The following AMBRA1 variants were observed in gnomAD, a reference collection of about 807,000 sequenced individuals.
AMBRA1 encodes the protein autophagy and beclin 1 regulator 1.
In AMBRA1, 47 loss-of-function variants were observed where a neutral mutation model predicts 125.4. The ratio of observed to expected loss-of-function variants is 0.37; its 90% confidence interval spans 0.30 to 0.48. AMBRA1 has a LOEUF of 0.48. AMBRA1 is among the 20% of genes least tolerant of loss of function. The pLI is 0.99. For synonymous variants in AMBRA1, 626 were observed against 655.5 expected (o/e 0.95, Z 0.69); for missense variants, 1,331 against 1,693.4 (o/e 0.79, Z 3.76).
In AMBRA1 at chr11:46,520,269, A is replaced by G. The variant is rs145446546; in HGVS notation, c.2073-7456T>C. 1.7e-3 allele frequency among the ~76,000 whole-genome samples: 264 copies of G among 152,336 alleles called. 2 individuals are homozygous for G. The highest frequency in any genetic ancestry group is 0.01 in the Middle Eastern group (3 of 294). Reference sequence around the variant, plus strand: ...ATTTTAATACACAAGCACACATTCAATTAGCCATCAGGATGATAGCCTCAT... The same window carrying G: ...ATTTTAATACACAAGCACACATTCAGTTAGCCATCAGGATGATAGCCTCAT... On this transcript the variant is annotated intron_variant, in intron 7 of 17. Coordinates refer to ENST00000683756, the MANE Select transcript of AMBRA1 (RefSeq NM_001387011.1).
At chr11:46,517,863 A>G (rs1951572621) in intron 7 of AMBRA1, among the ~76,000 whole-genome samples, 1 of 151,646 alleles carries the variant, frequency 6.6e-6, no homozygotes, top group African/African-American at 2.4e-5. Context: ...CAAATACTTA[A>G]AGAATAGGAT....
intron 11 of AMBRA1, among the ~76,000 whole-genome samples, chr11:46,474,902 G>A (rs1949754703): frequency 6.6e-6 from 1 of 152,184 alleles, no homozygotes; most frequent in Non-Finnish European, 1.5e-5. Flanking sequence ...GAAAGAGAAA[G>A]AACACAGTGT....
At chr11:46,398,778 TTTTA>T (rs1242610960) in intron 17 of AMBRA1, among the ~76,000 whole-genome samples, 2 of 147,784 alleles carry the variant, frequency 1.4e-5, no homozygotes, top group Admixed American at 6.7e-5. Context: ...GCCTGGCCTA[TTTTA>T]TTTATTTTTG....
chr11:46,535,673 A>T (rs1367993429), intron 7 of AMBRA1, among the ~76,000 whole-genome samples: 5 of 152,176 alleles, frequency 3.3e-5, no homozygotes, highest in Admixed American at 1.3e-4. Flanking sequence ...AGAGATAATA[A>T]TATTACTGAG....
intron 14 of AMBRA1, among the ~76,000 whole-genome samples, chr11:46,431,866 A>T (rs1311595771): frequency 6.6e-6 from 1 of 152,218 alleles, no homozygotes; most frequent in Non-Finnish European, 1.5e-5. Context: ...AATGTCAAAT[A>T]TTTCCAGCCA....
intron 11 of AMBRA1, among the ~76,000 whole-genome samples, chr11:46,456,475 A>T (rs1463021324): frequency 6.6e-6 from 1 of 151,958 alleles, no homozygotes; most frequent in East Asian, 2.0e-4. Context: ...GCAGCTGCTT[A>T]AGGGGGTGCC....
rs1565276942 is a variant in AMBRA1, at chr11:46,544,053, G to A, written c.552-12C>T. 6.2e-7 allele frequency: 1 copy of A among 1,609,992 alleles called. No homozygotes were observed. The highest frequency in any genetic ancestry group is 1.7e-5 in the Admixed American group (1 of 59,906). ...CAAATCTCACCAGACTAAAATCACA[G>A]AAGAAAGAGACAAAGACACACATAG... On this transcript the variant is annotated splice_polypyrimidine_tract_variant and intron_variant, in intron 5 of 17. Coordinates refer to ENST00000683756, the MANE Select transcript of AMBRA1 (RefSeq NM_001387011.1).
At chr11:46,460,486 TA>T (rs1162974569) in intron 11 of AMBRA1, among the ~76,000 whole-genome samples, 7 of 152,162 alleles carry the variant, frequency 4.6e-5, no homozygotes, top group Admixed American at 3.3e-4. Flanking sequence ...CATGCCCGGC[TA>T]ATTTTTTTTG....
chr11:46,572,354 C>A (rs1418290559), intron 1 of AMBRA1, among the ~76,000 whole-genome samples: 1 of 152,134 alleles, frequency 6.6e-6, no homozygotes, highest in Non-Finnish European at 1.5e-5. Context: ...CTAAGGGCAT[C>A]TCTAGACATA....
rs1315844920 is a variant in AMBRA1, at chr11:46,543,205, G to A, written c.812C>T (p.Pro271Leu). The A allele has an allele frequency of 1.2e-6, 2 of 1,600,326 alleles. No homozygotes were observed. Among genetic ancestry groups the A allele is most frequent in the Admixed American group, 3.5e-5 (2 of 57,898 alleles). The change falls in exon 7 of 18, where the codon CCA becomes CTA. Residue 271 changes from proline (P) to leucine (L), a missense_variant. Transcript: ENST00000683756. The part of the protein sequence containing the change: ...TVQDSATPSP[P>L]PPPPQPSTER... ...CGTGGAGGGCTGAGGGGGAGGCGGTGGGGGTGAGGGGGTAGCAGAATCTTG... is the reference window on the plus strand; with the variant it reads ...CGTGGAGGGCTGAGGGGGAGGCGGTAGGGGTGAGGGGGTAGCAGAATCTTG...
chr11:46,419,121 G>A (rs1352329876), intron 14 of AMBRA1, among the ~76,000 whole-genome samples: 1 of 152,230 alleles, frequency 6.6e-6, no homozygotes, highest in African/African-American at 2.4e-5. Context: ...GAGGGGAATC[G>A]TGAACATTCA....
intron 7 of AMBRA1, among the ~76,000 whole-genome samples, chr11:46,534,355 C>T (rs1361798762): frequency 6.6e-6 from 1 of 151,694 alleles, no homozygotes; most frequent in Non-Finnish European, 1.5e-5. Flanking sequence ...GTTAGCCAGG[C>T]GTGGTGGCAG....
Position 46,408,641 on chromosome 11 carries a change from G to T in AMBRA1, c.3275C>A (p.Pro1092His). 6.2e-7 allele frequency: 1 copy of T among 1,607,026 alleles called. No individual in the cohort carries two copies. Among genetic ancestry groups the T allele is most frequent in the Non-Finnish European group, 8.5e-7 (1 of 1,175,672 alleles). The change falls in exon 17 of 18, where the codon CCC (proline) becomes CAC (histidine). Residue 1092 changes from proline to histidine, a missense_variant. Physicochemically the swap from Pro to His is moderately conservative, Grantham distance 77. Around this residue, in one of 4 missense-constraint regions of AMBRA1, gnomAD observed 354 missense variants for 532.7 expected, o/e 0.66. Coordinates refer to ENST00000683756, the MANE Select transcript of AMBRA1 (RefSeq NM_001387011.1). ...MGLMNAIGLQ[P>H]RNPATSVTSQ... ...TGTCACTGAGGTGGCAGGGTTCCGG[G>T]GCTGAAGCCCAATGGCATTCATCAG...
rs553114226 is a variant in AMBRA1 at position 46,521,887 on chromosome 11, C to T, written c.2073-9074G>A. On this transcript the variant is annotated intron_variant, in intron 7 of 17. Coordinates refer to ENST00000683756, the MANE Select transcript of AMBRA1 (RefSeq NM_001387011.1). ...ATAGACATACTACAAAAAGACACCACAGTGCCTACAGTGTAGATCAGCCTT... is the reference window on the plus strand; with the variant it reads ...ATAGACATACTACAAAAAGACACCATAGTGCCTACAGTGTAGATCAGCCTT... Among the ~76,000 whole-genome samples, 3 of 152,348 alleles carry T rather than the reference C, an allele frequency of 2.0e-5. 1 individual carries two copies. The South Asian group carries it at 6.2e-4, about 32-fold the overall frequency.
chr11:46,517,064 T>C (rs562175128), intron 7 of AMBRA1, among the ~76,000 whole-genome samples: 2 of 152,296 alleles, frequency 1.3e-5, no homozygotes, highest in East Asian at 3.9e-4. Context: ...TTGTGCTATT[T>C]GATCCATTGG....
chr11:46,546,033 C>CT (rs35703280), intron 4 of AMBRA1: 16,247 of 139,146 alleles, frequency 0.12, 1,180 homozygotes, highest in Non-Finnish European at 0.13. Context: ...GTTCCTATTT[C>CT]TTTTTTTTTT....
intron 11 of AMBRA1, among the ~76,000 whole-genome samples, chr11:46,450,516 G>A (rs560183267): frequency 4.7e-4 from 72 of 151,712 alleles, no homozygotes; most frequent in South Asian, 1.0e-3. Flanking sequence ...CACGGCTCAC[G>A]GAAGCCTCAA....
rs1302250289 is a variant in AMBRA1 at position 46,410,261 on chromosome 11, A to G, written c.3209+15T>C. 3 of 1,612,798 alleles carry G rather than the reference A, an allele frequency of 1.9e-6. No individual in the cohort carries two copies. The African/African-American group carries it at 4.0e-5, about 22-fold the overall frequency. ...GCCTCCAGCCAGCTGCTCCCTGCCT[A>G]CTTCCCAAACATACCCAGGCCGCTC... On this transcript the variant is annotated intron_variant, in intron 16 of 17. Coordinates refer to ENST00000683756, the MANE Select transcript of AMBRA1 (RefSeq NM_001387011.1).
intron 11 of AMBRA1, among the ~76,000 whole-genome samples, chr11:46,483,763 G>A (rs1392921652): frequency 2.0e-5 from 3 of 152,136 alleles, no homozygotes; most frequent in African/African-American, 7.2e-5. Context: ...AGCTGGGCGT[G>A]GTGGTGTACG....
Sources: gnomAD v4.1 joint callset for allele counts (sites outside exome capture counted in the v4.1 genomes callset) on GRCh38, gnomAD v4.1.1 for gene constraint, gnomAD v4.1.1 regional missense constraint, MANE v1.5 for transcripts, NCBI Gene and HGNC (gene_info 2026-07-23, HGNC 2026-07-21) for gene names.